PMFBP1: variants seen among roughly 807,000 people sequenced by gnomAD.
The protein encoded by PMFBP1 is polyamine-modulated factor 1-binding protein 1.
Under a neutral mutation model 137.8 loss-of-function variants are expected in PMFBP1, and 131 were observed. The observed-to-expected ratio is 0.95, with a 90% CI of 0.82 to 1.10. PMFBP1 has a LOEUF of 1.10. Among genes scored for constraint, PMFBP1 ranks in the 50% least tolerant of loss-of-function variants. The pLI, the probability that PMFBP1 is intolerant of heterozygous loss-of-function variation, is 0.00. For missense variants in PMFBP1, 1,199 were observed against 1,175.4 expected (o/e 1.02, Z -0.29); for synonymous variants, 490 against 450.4 (o/e 1.09, Z -1.11).
At chr16:72,161,747 A>G (rs888596927) in intron 3 of PMFBP1, among the ~76,000 whole-genome samples, 4 of 152,144 alleles carry the variant, frequency 2.6e-5, no homozygotes, top group African/African-American at 9.7e-5. Flanking sequence ...GGATTTCACC[A>G]GTTTTTCCAC....
chr16:72,128,982 G>A, intron 13 of PMFBP1, 84 bp downstream of exon 13: 1 of 1,540,774 alleles, frequency 6.5e-7, no homozygotes, highest in Non-Finnish European at 8.7e-7. Flanking sequence ...GAGCATCCAG[G>A]GCCTCCGCAT....
chr16:72,210,542 A>T, the PMFBP1 span, among the ~76,000 whole-genome samples: 1 of 152,166 alleles, frequency 6.6e-6, no homozygotes, highest in Non-Finnish European at 1.5e-5. Context: ...CAGATCCCCA[A>T]TTAGGAGGAT....
At chr16:72,141,565 A>G (rs946365354) in intron 5 of PMFBP1, among the ~76,000 whole-genome samples, 1 of 152,192 alleles carries the variant, frequency 6.6e-6, no homozygotes, top group Admixed American at 6.5e-5. Context: ...TTTAAAACAT[A>G]AAAAATGTTT....
At chr16:72,206,197 C>A in the PMFBP1 span, among the ~76,000 whole-genome samples, 1 of 152,134 alleles carries the variant, frequency 6.6e-6, no homozygotes, top group Non-Finnish European at 1.5e-5. Flanking sequence ...GAGCCTTGGG[C>A]AAATTTCTTG....
At chr16:72,195,454 G>C in the PMFBP1 span, among the ~76,000 whole-genome samples, 2 of 152,102 alleles carry the variant, frequency 1.3e-5, no homozygotes, top group Non-Finnish European at 2.9e-5. Context: ...GCTTCTTGAA[G>C]GACCTGAACT....
chr16:72,217,127 G>A, the PMFBP1 span, among the ~76,000 whole-genome samples: 8 of 152,134 alleles, frequency 5.3e-5, no homozygotes, highest in African/African-American at 1.7e-4. Flanking sequence ...GTGCATCTAG[G>A]TGAAGCCACA....
chr16:72,223,932 C>A, the PMFBP1 span, among the ~76,000 whole-genome samples: 2 of 152,150 alleles, frequency 1.3e-5, no homozygotes, highest in Non-Finnish European at 2.9e-5. Flanking sequence ...AGGGCAAACA[C>A]CTGGGAAGGA....
the PMFBP1 span, among the ~76,000 whole-genome samples, chr16:72,228,229 G>A: frequency 6.6e-6 from 1 of 152,250 alleles, no homozygotes; most frequent in Non-Finnish European, 1.5e-5. Flanking sequence ...TCTGAGGAAT[G>A]CTAAGGCTAC....
the PMFBP1 span, among the ~76,000 whole-genome samples, chr16:72,232,822 T>C: frequency 6.6e-6 from 1 of 152,198 alleles, no homozygotes; most frequent in Admixed American, 6.5e-5. Context: ...TCAGCAAACA[T>C]GCACTGAACA....
intron 3 of PMFBP1, among the ~76,000 whole-genome samples, chr16:72,158,846 T>A (rs1399717298): frequency 1.3e-5 from 2 of 151,806 alleles, no homozygotes; most frequent in East Asian, 3.9e-4. Flanking sequence ...AGTAAAAAAA[T>A]TAGCCATGCA....
the PMFBP1 span, among the ~76,000 whole-genome samples, chr16:72,226,389 C>A: frequency 2.4e-4 from 37 of 152,240 alleles, no homozygotes; most frequent in African/African-American, 8.4e-4. Flanking sequence ...CTGTCAAGGT[C>A]CAAGTGGTGC....
chr16:72,148,418 T>A (rs1001831761), intron 5 of PMFBP1, among the ~76,000 whole-genome samples: 2 of 152,064 alleles, frequency 1.3e-5, no homozygotes, highest in Non-Finnish European at 2.9e-5. Flanking sequence ...ATACCTAATG[T>A]AAATGACAAG....
intron 9 of PMFBP1, among the ~76,000 whole-genome samples, chr16:72,133,509 G>A (rs2042579384): frequency 6.6e-6 from 1 of 151,628 alleles, no homozygotes; most frequent in Non-Finnish European, 1.5e-5. Flanking sequence ...TTTACTTTTT[G>A]AGGCACTCTC....
intron 10 of PMFBP1, among the ~76,000 whole-genome samples, chr16:72,131,712 T>C (rs1567624248): frequency 6.6e-6 from 1 of 152,076 alleles, no homozygotes; most frequent in Non-Finnish European, 1.5e-5. Flanking sequence ...TCTCCAAAGC[T>C]GAGAAACAAA....
chr16:72,148,245 T>C (rs2042843957), intron 5 of PMFBP1, among the ~76,000 whole-genome samples: 5 of 151,740 alleles, frequency 3.3e-5, no homozygotes, highest in Admixed American at 3.3e-4. Flanking sequence ...CTGGAAACCA[T>C]CATTCTCAGC....
intron 5 of PMFBP1, among the ~76,000 whole-genome samples, chr16:72,148,554 G>C (rs1168340109): frequency 6.6e-6 from 1 of 152,008 alleles, no homozygotes; most frequent in Admixed American, 6.6e-5. Flanking sequence ...TATTTTGTAT[G>C]GTGAAAAATA....
At chr16:72,147,844 T>C (rs900466324) in intron 5 of PMFBP1, among the ~76,000 whole-genome samples, 9 of 152,124 alleles carry the variant, frequency 5.9e-5, no homozygotes, top group African/African-American at 1.4e-4. Context: ...CCAGTTAGAA[T>C]GGTGATCATT....
In PMFBP1 at chr16:72,155,253, C is replaced by T. The variant is rs535405742; in HGVS notation, c.166-794G>A. On this transcript the variant is annotated intron_variant, in intron 3 of 20. Transcript: ENST00000237353. ...TCCAGCATCCCTTATGACAATGACACGTGAGGTTAAGGTGGATAAAGAGGG... is the reference window on the plus strand; with the variant it reads ...TCCAGCATCCCTTATGACAATGACATGTGAGGTTAAGGTGGATAAAGAGGG... Among the ~76,000 whole-genome samples the T allele has an allele frequency of 3.2e-4, 48 of 152,102 alleles. 1 individual carries two copies. Among genetic ancestry groups the T allele is most frequent in the Non-Finnish European group, 5.0e-4 (34 of 68,016 alleles).
chr16:72,224,189 G>A, the PMFBP1 span, among the ~76,000 whole-genome samples: 776 of 152,170 alleles, frequency 5.1e-3, 1 homozygote, highest in Middle Eastern at 0.014. Flanking sequence ...TGTCCAAATC[G>A]GTGTCATGTT....
Sources: gnomAD v4.1 joint callset for allele counts (sites outside exome capture counted in the v4.1 genomes callset) on GRCh38, gnomAD v4.1.1 for gene constraint, MANE v1.5 for transcripts, NCBI Gene and HGNC (gene_info 2026-07-23, HGNC 2026-07-21) for gene names.